Variants in NYAP2 observed in about 807,000 individuals in gnomAD.
NYAP2 encodes the protein neuronal tyrosine-phosphorylated phosphoinositide-3-kinase adaptor 2.
A neutral mutation model predicts 50.4 loss-of-function variants in NYAP2; 23 were observed. That is an observed-to-expected ratio of 0.46 (90% confidence interval 0.33 to 0.65). The LOEUF is 0.65. Ranked by LOEUF, NYAP2 falls within the 30% of genes least tolerant of loss-of-function variation. The probability of loss-of-function intolerance (pLI) is 0.02; values close to 1 mark genes in which losing one functional copy is unlikely to be tolerated. For synonymous variants in NYAP2, 394 were observed against 365.2 expected (o/e 1.08, Z -0.90); for missense variants, 885 against 861.0 (o/e 1.03, Z -0.35).
chr2:225,530,161 T>C (rs1415528537), intron 4 of NYAP2, among the ~76,000 whole-genome samples: 2 of 152,320 alleles, frequency 1.3e-5, no homozygotes, highest in South Asian at 2.1e-4. Context: ...CTCCATCTCA[T>C]AGATTTAATA....
At chr2:225,553,968 C>G (rs959992960) in intron 4 of NYAP2, among the ~76,000 whole-genome samples, 143 of 151,936 alleles carry the variant, frequency 9.4e-4, no homozygotes, top group African/African-American at 3.1e-3. Flanking sequence ...TGTAGTGAGC[C>G]GAGTTTGCCC....
intron 3 of NYAP2, among the ~76,000 whole-genome samples, chr2:225,439,847 T>G (rs1689442999): frequency 6.6e-6 from 1 of 152,164 alleles, no homozygotes; most frequent in Admixed American, 6.5e-5. Context: ...GAAACAGAAC[T>G]CCCATACTCT....
At chr2:225,456,145 C>T (rs1297989023) in intron 3 of NYAP2, among the ~76,000 whole-genome samples, 1 of 152,200 alleles carries the variant, frequency 6.6e-6, no homozygotes, top group Non-Finnish European at 1.5e-5. Context: ...CATATGAGTC[C>T]ACTGCTTAAT....
intron 4 of NYAP2, among the ~76,000 whole-genome samples, chr2:225,558,475 C>G (rs1691814180): frequency 6.6e-6 from 1 of 152,134 alleles, no homozygotes; most frequent in East Asian, 1.9e-4. Context: ...ATCTTTAAAG[C>G]CCAGCAGCGA....
At chr2:225,465,742 ACT>A (rs1390437003) in intron 3 of NYAP2, among the ~76,000 whole-genome samples, 1 of 150,600 alleles carries the variant, frequency 6.6e-6, no homozygotes, top group Non-Finnish European at 1.5e-5. Flanking sequence ...AACAAAAAAC[ACT>A]CTCTGTGTCC....
intron 5 of NYAP2, among the ~76,000 whole-genome samples, chr2:225,602,439 T>C (rs1692707893): frequency 6.6e-6 from 1 of 152,180 alleles, no homozygotes; most frequent in Admixed American, 6.6e-5. Context: ...TTTTCTTATC[T>C]GGGGCCTGCA....
chr2:225,586,065 C>G, intron 5 of NYAP2, among the ~76,000 whole-genome samples: 1 of 152,128 alleles, frequency 6.6e-6, no homozygotes, highest in Middle Eastern at 3.2e-3. Flanking sequence ...TTTTCCAAGC[C>G]TCTGTTGGTT....
rs116075134 is a variant in NYAP2, at chr2:225,455,633, C to T, written c.221+46532C>T. On this transcript the variant is annotated intron_variant, in intron 3 of 6. Transcript: ENST00000636099. ...AAAGTGAGAATAAACATGGCATATA[C>T]TCCTATAGCCTTTTGTTATTTTTAT... is the stretch of plus-strand genomic sequence containing the variant. Among the ~76,000 whole-genome samples, 317 of 152,286 alleles carry T rather than the reference C, an allele frequency of 2.1e-3. 1 individual carries two copies. Among genetic ancestry groups the T allele is most frequent in the African/African-American group, 7.3e-3 (305 of 41,568 alleles).
the NYAP2 span, among the ~76,000 whole-genome samples, chr2:225,685,709 G>T: frequency 6.6e-6 from 1 of 151,988 alleles, no homozygotes; most frequent in Non-Finnish European, 1.5e-5. Flanking sequence ...GTCAAATCAA[G>T]AATCATATAT....
At chr2:225,458,007 T>C (rs1689766706) in intron 3 of NYAP2, among the ~76,000 whole-genome samples, 1 of 152,092 alleles carries the variant, frequency 6.6e-6, no homozygotes, top group Non-Finnish European at 1.5e-5. Context: ...TCTATCTCCT[T>C]ATTCTTTAGT....
intron 5 of NYAP2, among the ~76,000 whole-genome samples, chr2:225,587,007 G>A (rs1027566608): frequency 6.6e-6 from 1 of 152,170 alleles, no homozygotes; most frequent in African/African-American, 2.4e-5. Flanking sequence ...TTTTCACATG[G>A]TGGCAGGAAA....
intron 6 of NYAP2, among the ~76,000 whole-genome samples, chr2:225,649,603 C>A (rs993482025): frequency 6.6e-6 from 1 of 152,212 alleles, no homozygotes; most frequent in Non-Finnish European, 1.5e-5. Flanking sequence ...CTCCTGGGCT[C>A]AAGTGATCCA....
At chr2:225,418,766 CTT>C (rs1337417076) in intron 3 of NYAP2, among the ~76,000 whole-genome samples, 1 of 152,046 alleles carries the variant, frequency 6.6e-6, no homozygotes, top group East Asian at 1.9e-4. Context: ...AATGTTAACA[CTT>C]TTATAAAACT....
At chr2:225,446,806 T>C (rs1689571979) in intron 3 of NYAP2, among the ~76,000 whole-genome samples, 1 of 152,104 alleles carries the variant, frequency 6.6e-6, no homozygotes, top group Non-Finnish European at 1.5e-5. Context: ...GCCTGTTAAA[T>C]TTGGCTGGTA....
At chr2:225,515,586 C>G (rs1690915540) in intron 4 of NYAP2, among the ~76,000 whole-genome samples, 1 of 152,086 alleles carries the variant, frequency 6.6e-6, no homozygotes, top group Non-Finnish European at 1.5e-5. Context: ...ACTTATAACA[C>G]ATTTTTTTAA....
At chr2:225,580,163 G>T (rs1692246824) in intron 4 of NYAP2, among the ~76,000 whole-genome samples, 1 of 152,202 alleles carries the variant, frequency 6.6e-6, no homozygotes, top group African/African-American at 2.4e-5. Context: ...AGAATAGTCT[G>T]GATGAGCTTT....
downstream of NYAP2, among the ~76,000 whole-genome samples, chr2:225,655,794 C>G (rs1046258317): frequency 2.0e-5 from 3 of 151,954 alleles, no homozygotes; most frequent in South Asian, 2.1e-4. Context: ...TGTCTCCAAA[C>G]AGAACTGCAG....
chr2:225,409,824 C>G (rs1433729449), intron 3 of NYAP2, among the ~76,000 whole-genome samples: 1 of 152,094 alleles, frequency 6.6e-6, no homozygotes, highest in Non-Finnish European at 1.5e-5. Flanking sequence ...TGTGTGTCTT[C>G]TGGTGGTACA....
intron 3 of NYAP2, among the ~76,000 whole-genome samples, chr2:225,418,127 G>A (rs1251009971): frequency 6.6e-6 from 1 of 152,142 alleles, no homozygotes; most frequent in African/African-American, 2.4e-5. Flanking sequence ...AGTAATAAGT[G>A]AGGAGAGAAG....
Sources: allele counts gnomAD v4.1 joint callset (sites outside exome capture counted in the v4.1 genomes callset), GRCh38; gene constraint gnomAD v4.1.1; transcripts MANE v1.5; gene names NCBI Gene and HGNC (gene_info 2026-07-23, HGNC 2026-07-21).